Variants in DPY19L4 observed in about 807,000 individuals in gnomAD.
DPY19L4 encodes dpy-19 like 4, also known as probable C-mannosyltransferase DPY19L4.
In DPY19L4, 97 loss-of-function variants were observed where a neutral mutation model predicts 102.8. The ratio of observed to expected loss-of-function variants is 0.94; its 90% CI spans 0.80 to 1.12. DPY19L4 has a LOEUF of 1.12. DPY19L4 is among the 50% of genes most tolerant of loss of function. The pLI, the probability that DPY19L4 is intolerant of heterozygous loss-of-function variation, is 0.00. For missense variants in DPY19L4, 815 were observed against 850.4 expected (o/e 0.96, Z 0.52); for synonymous variants, 252 against 283.1 (o/e 0.89, Z 1.10).
chr8:94,726,205 G>T (rs374439628), intron 1 of DPY19L4, 126 bp from the exon 2 acceptor site: 6 of 605,788 alleles, frequency 9.9e-6, no homozygotes, highest in East Asian at 3.3e-5. Context: ...ATTATGAAAA[G>T]GTTATCTTTG....
chr8:94,778,797 G>A lies in DPY19L4; in HGVS notation c.1575+1011G>A, dbSNP rs528995524. On this transcript the variant is annotated intron_variant, in intron 14 of 18. Coordinates refer to ENST00000414645, the MANE Select transcript of DPY19L4 (RefSeq NM_181787.3). ...GTAGAAGGAATAGACACAGAAGTAG[G>A]CAAAGAACATGATGTAATCAAAGGG... Among the ~76,000 whole-genome samples the A allele has an allele frequency of 5.3e-5, 8 of 152,214 alleles. No homozygotes were observed. The South Asian group carries it at 1.5e-3, about 28-fold the overall frequency.
chr8:94,781,648 G>A (rs751957992), intron 16 of DPY19L4, among the ~76,000 whole-genome samples: 31 of 152,270 alleles, frequency 2.0e-4, no homozygotes, highest in Non-Finnish European at 4.3e-4. Flanking sequence ...AGGCTACACT[G>A]GCAGTGAAAG....
intron 1 of DPY19L4, among the ~76,000 whole-genome samples, chr8:94,724,833 C>G (rs1314095135): frequency 6.6e-6 from 1 of 152,178 alleles, no homozygotes; most frequent in Non-Finnish European, 1.5e-5. Flanking sequence ...GGTGATCCAC[C>G]CACCTTGGCC....
rs1414100736 is a variant in DPY19L4 at position 94,766,613 on chromosome 8, T to C, written c.1103T>C (p.Met368Thr). The C allele has an allele frequency of 6.2e-7, 1 of 1,613,704 alleles. No homozygotes were observed. Among genetic ancestry groups the C allele is most frequent in the Non-Finnish European group, 8.5e-7 (1 of 1,179,836 alleles). Residue 368 changes from methionine (M) to threonine (T), a missense_variant and splice_region_variant, in exon 11 of 19, where the codon ATG becomes ACG. Coordinates refer to ENST00000414645, the MANE Select transcript of DPY19L4 (RefSeq NM_181787.3). Reference protein sequence around the residue: ...LTITLNIIMKMFVPHKENGHM... With the variant: ...LTITLNIIMKTFVPHKENGHM... ...TTAACTGGTGTTTTTCTCTTCTAGATGTTTGTCCCACACAAAGAAAATGGG... is the reference window on the plus strand; with the variant it reads ...TTAACTGGTGTTTTTCTCTTCTAGACGTTTGTCCCACACAAAGAAAATGGG...
Position 94,780,390 on chromosome 8 carries a change from TA to T in DPY19L4, c.1609del (p.Ile537Ter). ...ATTCTGAGCATGGCCGTGCCTACTA[TA>T]ATAGGTCTCAGCTTATGGAAAGAGG... ...ALILSMAVPT[I>X]IGLSLWKEFF... On this transcript the variant is annotated frameshift_variant, in exon 15 of 19. Coordinates refer to ENST00000414645, the MANE Select transcript of DPY19L4 (RefSeq NM_181787.3). LOFTEE classifies it high-confidence loss of function. The T allele has an allele frequency of 6.7e-7, 1 of 1,492,680 alleles. No homozygotes were observed. Among genetic ancestry groups the T allele is most frequent in the Non-Finnish European group, 9.0e-7 (1 of 1,107,046 alleles). The allele number at this position is 1,492,680 out of a possible 1,614,324, so 92.5% of individuals were successfully genotyped here.
intron 7 of DPY19L4, among the ~76,000 whole-genome samples, chr8:94,760,141 A>C (rs1563597161): frequency 6.6e-6 from 1 of 152,214 alleles, no homozygotes; most frequent in Non-Finnish European, 1.5e-5. Context: ...ACGTAGTTCT[A>C]TCTTTAAGAC....
At chr8:94,779,862 ATTATCT>A (rs1371648202) in intron 14 of DPY19L4, among the ~76,000 whole-genome samples, 2 of 152,130 alleles carry the variant, frequency 1.3e-5, no homozygotes, top group African/African-American at 4.8e-5. Flanking sequence ...ATGATGATAC[ATTATCT>A]TTAATAATAC....
At chr8:94,779,833 C>G (rs914616188) in intron 14 of DPY19L4, among the ~76,000 whole-genome samples, 1 of 152,098 alleles carries the variant, frequency 6.6e-6, no homozygotes, top group African/African-American at 2.4e-5. Context: ...GAAGGCAGAG[C>G]AGGTTTTATT....
chr8:94,770,331 A>G, intron 12 of DPY19L4, 121 bp from the exon 13 acceptor site: 2 of 1,099,198 alleles, frequency 1.8e-6, no homozygotes, highest in Non-Finnish European at 2.5e-6. Context: ...GATCACCTAT[A>G]TTTTTTGTTA....
At position 94,770,577 on chromosome 8, in the gene DPY19L4, T is replaced by A. The variant is rs1460133609; in HGVS notation, c.1454+6T>A. On this transcript the variant is annotated splice_donor_region_variant and intron_variant, in intron 13 of 18. Transcript: ENST00000414645. ...CTTGCAATGGTTATAGAAGGGTAAG[T>A]GTACTTTATTTGATCCCTTTGTTTT... is the stretch of plus-strand genomic sequence containing the variant. 6.2e-7 allele frequency: 1 copy of A among 1,613,244 alleles called. No homozygotes were observed. The highest frequency in any genetic ancestry group is 8.5e-7 in the Non-Finnish European group (1 of 1,179,724).
intron 6 of DPY19L4, among the ~76,000 whole-genome samples, chr8:94,753,419 T>C (rs1054470059): frequency 6.6e-6 from 1 of 152,202 alleles, no homozygotes; most frequent in Non-Finnish European, 1.5e-5. Context: ...TTGTTACACA[T>C]ATTGACAAGA....
chr8:94,756,244 T>C lies in DPY19L4; in HGVS notation c.735+85T>C, dbSNP rs983965212. Reference sequence around the variant, plus strand: ...CATAATAGCAAATAAATTTTAGTCCTAGTAAGAATTAAATCATATTTAATG... The same window carrying C: ...CATAATAGCAAATAAATTTTAGTCCCAGTAAGAATTAAATCATATTTAATG... On this transcript the variant is annotated intron_variant, in intron 7 of 18. Coordinates refer to ENST00000414645, the MANE Select transcript of DPY19L4 (RefSeq NM_181787.3). The C allele has an allele frequency of 7.2e-6, 11 of 1,524,002 alleles. No individual in the cohort carries two copies. In the African/African-American group the frequency reaches 1.3e-4, roughly 17 times the overall value. The allele number at this position is 1,524,002 out of a possible 1,614,324, so 94.4% of individuals were successfully genotyped here.
chr8:94,741,114 A>C (rs747442419), intron 6 of DPY19L4, among the ~76,000 whole-genome samples: 1 of 152,212 alleles, frequency 6.6e-6, no homozygotes, highest in Non-Finnish European at 1.5e-5. Context: ...TCTGGTTGAA[A>C]TATATGGTAG....
intron 2 of DPY19L4, among the ~76,000 whole-genome samples, chr8:94,730,250 A>G (rs1301020954): frequency 6.6e-6 from 1 of 152,200 alleles, no homozygotes; most frequent in Non-Finnish European, 1.5e-5. Context: ...ACTGGGGCAC[A>G]TAGAAGTTAT....
rs556519348 is a variant in DPY19L4 at position 94,747,725 on chromosome 8, A to AT, written c.611+7943dup. ...AGGTGCCTGCCACTATGCCTGGCTA[A>AT]TTTTTTTTGTATTTTTAGTAGAGAT... On this transcript the variant is annotated intron_variant, in intron 6 of 18. Coordinates refer to ENST00000414645, the MANE Select transcript of DPY19L4 (RefSeq NM_181787.3). Among the ~76,000 whole-genome samples the AT allele has an allele frequency of 7.1e-4, 108 of 151,418 alleles. 1 individual carries two copies. Among genetic ancestry groups the AT allele is most frequent in the African/African-American group, 2.5e-3 (104 of 41,272 alleles).
chr8:94,783,671 A>G lies in DPY19L4; in HGVS notation c.1717A>G (p.Arg573Gly), dbSNP rs1279557520. 4 of 1,613,590 alleles carry G rather than the reference A, an allele frequency of 2.5e-6. No homozygotes were observed. In the Admixed American group the frequency reaches 5.0e-5, roughly 20 times the overall value. ...DTVELMTWIK[R>G]QAPVAAVFAG... ...GCAAATCTTTATGGTTCTTTGCAGA[A>G]GGCAAGCTCCAGTTGCAGCTGTGTT... is the stretch of plus-strand genomic sequence containing the variant. Residue 573 changes from arginine to glycine, a missense_variant and splice_region_variant, in exon 17 of 19, where the codon AGG (arginine) becomes GGG (glycine). Transcript: ENST00000414645.
At chr8:94,730,421 C>G (rs1810893346) in intron 2 of DPY19L4, among the ~76,000 whole-genome samples, 1 of 152,110 alleles carries the variant, frequency 6.6e-6, no homozygotes, top group South Asian at 2.1e-4. Flanking sequence ...AGCTTGATGT[C>G]TACTCCATCT....
At chr8:94,761,516 A>C (rs1286305605) in intron 7 of DPY19L4, among the ~76,000 whole-genome samples, 184 bp from the exon 8 acceptor site, 1 of 152,202 alleles carries the variant, frequency 6.6e-6, no homozygotes, top group Non-Finnish European at 1.5e-5. Context: ...CAAGTGCCTT[A>C]TTTGAGCTCT....
chr8:94,782,959 T>G (rs1344008839), intron 16 of DPY19L4, among the ~76,000 whole-genome samples: 2 of 152,228 alleles, frequency 1.3e-5, no homozygotes, highest in African/African-American at 4.8e-5. Flanking sequence ...AATTACTGTG[T>G]TTTGTATCTG....
Sources: gnomAD v4.1 joint callset for allele counts (sites outside exome capture counted in the v4.1 genomes callset) on GRCh38, gnomAD v4.1.1 for gene constraint, MANE v1.5 for transcripts, NCBI Gene and HGNC (gene_info 2026-07-23, HGNC 2026-07-21) for gene names.